The following EXTL3 variants were observed in gnomAD, a reference collection of about 807,000 sequenced individuals.
EXTL3 encodes the protein exostosin like glycosyltransferase 3, also known as exostosin-like 3.
EXTL3 carries 27 observed loss-of-function variants against 69.3 expected under a neutral mutation model. That is an observed-to-expected ratio of 0.39 (90% CI 0.29 to 0.54). The LOEUF (loss-of-function observed/expected upper bound fraction) is 0.54, where lower values mean the gene tolerates loss of function less well. EXTL3 is among the 20% of genes least tolerant of loss of function. The pLI is 0.69. For synonymous variants in EXTL3, 511 were observed against 499.4 expected (o/e 1.02, Z -0.31); for missense variants, 1,003 against 1,231.8 (o/e 0.81, Z 2.78).
At chr8:28,688,810 A>T (rs1472634517) in intron 1 of EXTL3, among the ~76,000 whole-genome samples, 1 of 152,228 alleles carries the variant, frequency 6.6e-6, no homozygotes, top group African/African-American at 2.4e-5. Context: ...TAAAGGAAGG[A>T]TATTAGATCA....
intron 1 of EXTL3, among the ~76,000 whole-genome samples, chr8:28,633,566 G>A (rs1216558093): frequency 1.3e-5 from 2 of 151,896 alleles, no homozygotes; most frequent in Non-Finnish European, 2.9e-5. Flanking sequence ...CCCAGGAGGC[G>A]GAGGTTTCAG....
At chr8:28,620,067 G>T (rs531977200), upstream of EXTL3, among the ~76,000 whole-genome samples, 1 of 133,322 alleles carries the variant, frequency 7.5e-6, no homozygotes, top group East Asian at 2.2e-4. Flanking sequence ...TAGAGACGGG[G>T]TTTCACTGTG....
intron 1 of EXTL3, among the ~76,000 whole-genome samples, chr8:28,647,176 C>T (rs1806845127): frequency 1.3e-5 from 2 of 151,586 alleles, no homozygotes; most frequent in African/African-American, 4.8e-5. Flanking sequence ...ACGATCTCGG[C>T]TCACTACAAC....
At chr8:28,618,240 G>T (rs901329611), upstream of EXTL3, among the ~76,000 whole-genome samples, 1 of 152,040 alleles carries the variant, frequency 6.6e-6, no homozygotes, top group African/African-American at 2.4e-5. Flanking sequence ...GCAGAGGCGG[G>T]TGGGTCCTCT....
chr8:28,671,322 T>G (rs1807289266), intron 1 of EXTL3, among the ~76,000 whole-genome samples: 1 of 147,284 alleles, frequency 6.8e-6, no homozygotes, highest in Non-Finnish European at 1.5e-5. Context: ...TTTTTTTTTT[T>G]TTTTTTTGAG....
intron 1 of EXTL3, among the ~76,000 whole-genome samples, chr8:28,628,431 A>G (rs2130557050): frequency 6.6e-6 from 1 of 152,282 alleles, no homozygotes; most frequent in East Asian, 1.9e-4. Flanking sequence ...GTGACTCAGG[A>G]GGCTGAGGCA....
rs1467152525 is a variant in EXTL3, at chr8:28,751,583, T to A, written c.*717T>A. ...GTGAATCCCTGGGAGCGCCTGACCC[T>A]GGTGGGCTGTTCAGCTTCCTGCTGC... On this transcript the variant is annotated 3_prime_UTR_variant, in exon 7 of 7. Transcript: ENST00000220562. The A allele has an allele frequency of 1.3e-5, 2 of 152,386 alleles. No individual in the cohort carries two copies. The highest frequency in any genetic ancestry group is 2.9e-5 in the Non-Finnish European group (2 of 68,216). The allele number at this position is 152,386 out of a possible 1,614,324, so 9.4% of individuals were successfully genotyped here. A position where few individuals can be genotyped will look rare whatever the true frequency, so the allele number is the denominator to read the frequency against.
In EXTL3 at chr8:28,716,096, G is replaced by A. The variant is rs1189210843; in HGVS notation, c.37G>A (p.Gly13Arg). 5 of 1,611,936 alleles carry A rather than the reference G, an allele frequency of 3.1e-6. No individual in the cohort carries two copies. Among genetic ancestry groups the A allele is most frequent in the Middle Eastern group, 1.7e-4 (1 of 6,044 alleles). ...GYTMLRNGGA[G>R]NGGQTCMLRW... ...TACCATGCTGCGGAATGGGGGCGCG[G>A]GGAACGGAGGTCAGACCTGCATGCT... is the stretch of plus-strand genomic sequence containing the variant. Residue 13 changes from glycine (G) to arginine (R), a missense_variant, in exon 3 of 7, where the codon GGG becomes AGG. Around this residue, in one of 2 missense-constraint regions of EXTL3, gnomAD observed 742 missense variants for 815.4 expected, o/e 0.91. Transcript: ENST00000220562. The surrounding 1 kb of genome is among the most constrained non-coding windows in gnomAD (Gnocchi z 7.1).
At chr8:28,703,504 A>T (rs114127214) in intron 1 of EXTL3, among the ~76,000 whole-genome samples, 1 of 152,114 alleles carries the variant, frequency 6.6e-6, no homozygotes. Context: ...AAGACTAGAG[A>T]GAGACCTGTT....
At chr8:28,703,756 G>A (rs892770586) in intron 1 of EXTL3, among the ~76,000 whole-genome samples, 30 of 152,192 alleles carry the variant, frequency 2.0e-4, no homozygotes, top group Admixed American at 2.0e-3. Flanking sequence ...TATGAAACCA[G>A]GACGTTTCAT....
chr8:28,614,832 G>A (rs1452769848), intron 2 of EXTL3, among the ~76,000 whole-genome samples: 1 of 152,180 alleles, frequency 6.6e-6, no homozygotes, highest in Non-Finnish European at 1.5e-5. Context: ...TTTTAAGTGT[G>A]GGGTACATGT....
chr8:28,703,144 G>T (rs1800847730), intron 1 of EXTL3, among the ~76,000 whole-genome samples: 1 of 152,196 alleles, frequency 6.6e-6, no homozygotes, highest in South Asian at 2.1e-4. Flanking sequence ...GAACTCACGA[G>T]CAAGAGAGAA....
At chr8:28,746,015 ATTTAC>A (rs1372378085) in intron 6 of EXTL3, among the ~76,000 whole-genome samples, 3 of 152,182 alleles carry the variant, frequency 2.0e-5, no homozygotes. Context: ...GAATCTAATT[ATTTAC>A]TTCATAATAA....
chr8:28,737,374 T>G, intron 4 of EXTL3, 145 bp from the exon 5 acceptor site: 1 of 845,480 alleles, frequency 1.2e-6, no homozygotes, highest in Non-Finnish European at 2.0e-6. Context: ...GTTTGGCTTG[T>G]TGTTGATTTT....
chr8:28,733,032 C>G (rs1358803385), intron 4 of EXTL3, among the ~76,000 whole-genome samples: 1 of 151,988 alleles, frequency 6.6e-6, no homozygotes, highest in East Asian at 1.9e-4. Flanking sequence ...GTGCCCAGCC[C>G]AGGTACCAGT....
chr8:28,670,405 A>C (rs1178090436), intron 1 of EXTL3, among the ~76,000 whole-genome samples: 1 of 152,068 alleles, frequency 6.6e-6, no homozygotes, highest in East Asian at 1.9e-4. Context: ...TATAGAATTG[A>C]CTCACACAAT....
chr8:28,636,531 T>TCAACTGG (rs1462874733), intron 1 of EXTL3, among the ~76,000 whole-genome samples: 71 of 152,316 alleles, frequency 4.7e-4, no homozygotes, highest in African/African-American at 1.7e-3. Flanking sequence ...AATTGTTGTC[T>TCAACTGG]GTAACTTTGA....
rs966338625 is a variant in EXTL3, at chr8:28,755,377, T to G, written c.*4511T>G. On this transcript the variant is annotated 3_prime_UTR_variant, in exon 7 of 7. Coordinates refer to ENST00000220562, the MANE Select transcript of EXTL3 (RefSeq NM_001440.4). ...ATAGTTTTCTCATGAATGAATGCTT[T>G]GACAAAGTGAAGAGGGTCACTTAGA... 2.0e-5 allele frequency: 3 copies of G among 152,456 alleles called. No homozygotes were observed. The highest frequency in any genetic ancestry group is 2.0e-4 in the Admixed American group (3 of 15,290). 9.4% of individuals were successfully genotyped at this position (152,456 alleles called of 1,614,324 possible).
At chr8:28,615,152 G>GT (rs1484006005) in intron 2 of EXTL3, among the ~76,000 whole-genome samples, 1 of 152,186 alleles carries the variant, frequency 6.6e-6, no homozygotes, top group African/African-American at 2.4e-5. Flanking sequence ...TTCTTAAGAT[G>GT]TATTTTATTC....
Sources: allele counts gnomAD v4.1 joint callset (sites outside exome capture counted in the v4.1 genomes callset), GRCh38; gene constraint gnomAD v4.1.1; regional missense constraint gnomAD v4.1.1; non-coding constraint Gnocchi (gnomAD v3.1); transcripts MANE v1.5; gene names NCBI Gene and HGNC (gene_info 2026-07-23, HGNC 2026-07-21).